The following USP34 variants were observed in gnomAD, a reference collection of about 807,000 sequenced individuals.
The protein encoded by USP34 is ubiquitin carboxyl-terminal hydrolase 34.
In USP34, 70 loss-of-function variants were observed where a neutral mutation model predicts 460.3. That is an observed-to-expected ratio of 0.15 (90% CI 0.13 to 0.19). The LOEUF is 0.19. USP34 is among the 10% of genes least tolerant of loss of function. USP34 has a pLI of 1.00. For missense variants in USP34, 3,985 were observed against 4,236.2 expected (o/e 0.94, Z 1.65); for synonymous variants, 1,647 against 1,405.3 (o/e 1.17, Z -3.85).
intron 7 of USP34, 71 bp from the exon 8 acceptor site, chr2:61,378,495 A>C: frequency 1.1e-6 from 1 of 926,632 alleles, no homozygotes; most frequent in Non-Finnish European, 1.7e-6. Context: ...GCAAATACTA[A>C]CATGGTAAAC....
rs373873603 is a variant in USP34 at position 61,198,224 on chromosome 2, A to G, written c.9508+4916T>C. ...AAAATTCCTCTACTTTTTTCTGTAC[A>G]TGTACTAAGAGCGATTTTCCCCTTG... is the stretch of plus-strand genomic sequence containing the variant. On this transcript the variant is annotated intron_variant, in intron 75 of 79. Transcript: ENST00000398571. 1.7e-3 allele frequency among the ~76,000 whole-genome samples: 252 copies of G among 152,314 alleles called. 1 individual carries two copies. In the Middle Eastern group the frequency reaches 0.02, roughly 12 times the overall value.
At chr2:61,429,223 G>A (rs1418072530) in intron 1 of USP34, among the ~76,000 whole-genome samples, 2 of 151,706 alleles carry the variant, frequency 1.3e-5, no homozygotes, top group African/African-American at 4.8e-5. Context: ...CGAGGCAGGC[G>A]GATCACGAGG....
At chr2:61,250,081 C>G (rs1688534501) in intron 48 of USP34, 1 of 155,970 alleles carries the variant, frequency 6.4e-6, no homozygotes. Context: ...AACCATGTCT[C>G]CACTAAAAAT....
intron 43 of USP34, among the ~76,000 whole-genome samples, chr2:61,263,255 A>G (rs1007111050): frequency 7.1e-6 from 1 of 140,090 alleles, no homozygotes; most frequent in Non-Finnish European, 1.5e-5. Flanking sequence ...ATCTCAGCTC[A>G]CTGCAACCTC....
At chr2:61,348,571 C>T (rs1691842869) in intron 14 of USP34, 91 bp from the exon 15 acceptor site, 2 of 1,490,052 alleles carry the variant, frequency 1.3e-6, no homozygotes, top group South Asian at 1.4e-5. Flanking sequence ...TTTAAAAAGG[C>T]TGCCAGTCTT....
chr2:61,323,902 G>A (rs1477182323), intron 21 of USP34, among the ~76,000 whole-genome samples: 2 of 152,042 alleles, frequency 1.3e-5, no homozygotes, highest in South Asian at 4.1e-4. Flanking sequence ...AAATCAGGTC[G>A]CTTATTTTTG....
intron 10 of USP34, among the ~76,000 whole-genome samples, chr2:61,363,436 C>T (rs1692331892): frequency 6.6e-6 from 1 of 152,110 alleles, no homozygotes; most frequent in South Asian, 2.1e-4. Flanking sequence ...CATACTTATA[C>T]AAAAGATGGT....
chr2:61,302,353 G>A (rs970170600), intron 27 of USP34, among the ~76,000 whole-genome samples: 1 of 152,122 alleles, frequency 6.6e-6, no homozygotes, highest in Non-Finnish European at 1.5e-5. Flanking sequence ...AATAAAAAAG[G>A]TTTGTGGAAA....
intron 20 of USP34, among the ~76,000 whole-genome samples, chr2:61,328,210 G>A (rs774531235): frequency 6.6e-6 from 1 of 150,928 alleles, no homozygotes; most frequent in African/African-American, 2.4e-5. Flanking sequence ...GCTGAGGCAC[G>A]AGAATCACTT....
chr2:61,232,867 C>CCT (rs1553354474), intron 57 of USP34, among the ~76,000 whole-genome samples: 2 of 118,810 alleles, frequency 1.7e-5, no homozygotes, highest in Admixed American at 1.8e-4. Context: ...TATTCCCCCC[C>CCT]CCCTTTTTTT....
intron 26 of USP34, 22 bp downstream of exon 26, chr2:61,311,762 G>C: frequency 6.2e-7 from 1 of 1,610,516 alleles, no homozygotes; most frequent in Non-Finnish European, 8.5e-7. Context: ...TATCAACTTC[G>C]AAATTAAAAC....
intron 37 of USP34, among the ~76,000 whole-genome samples, chr2:61,281,854 T>G (rs1366917437): frequency 6.6e-6 from 1 of 152,180 alleles, no homozygotes; most frequent in Non-Finnish European, 1.5e-5. Flanking sequence ...TAAAATATTT[T>G]CAGAACTAGA....
intron 34 of USP34, among the ~76,000 whole-genome samples, chr2:61,285,486 CAAAAA>C (rs35055379): frequency 1.8e-5 from 2 of 108,492 alleles, no homozygotes; most frequent in Admixed American, 9.4e-5. Context: ...GAATCTGTCT[CAAAAA>C]AAAAAAAAAA....
chr2:61,465,008 G>A (rs774877440), intron 1 of USP34, among the ~76,000 whole-genome samples: 17 of 152,050 alleles, frequency 1.1e-4, no homozygotes, highest in Non-Finnish European at 2.2e-4. Flanking sequence ...CCCACAAAAT[G>A]ATAACAGCAA....
chr2:61,401,905 T>A (rs1366775013), intron 3 of USP34, among the ~76,000 whole-genome samples: 1 of 150,810 alleles, frequency 6.6e-6, no homozygotes, highest in Non-Finnish European at 1.5e-5. Flanking sequence ...CTTACAACAC[T>A]AGAGCAATTA....
chr2:61,299,497 G>A (rs1690152007), intron 29 of USP34, among the ~76,000 whole-genome samples: 1 of 152,044 alleles, frequency 6.6e-6, no homozygotes, highest in South Asian at 2.1e-4. Context: ...TTATGCCTAC[G>A]ATCCCAGCAC....
chr2:61,411,081 C>G (rs1299231169), intron 2 of USP34, among the ~76,000 whole-genome samples: 1 of 151,994 alleles, frequency 6.6e-6, no homozygotes, highest in Non-Finnish European at 1.5e-5. Context: ...ACACCAGATA[C>G]CAAAGAAGGC....
rs780843618 is a variant in USP34 at position 61,192,984 on chromosome 2, A to G, written c.9509-4T>C. On this transcript the variant is annotated splice_polypyrimidine_tract_variant and splice_region_variant and intron_variant, in intron 75 of 79. Transcript: ENST00000398571. ...CCTTCATAGGCAACTAGGACACCTA[A>G]TATTTGAAAAGAAATCAGAATAGGT... The G allele has an allele frequency of 7.4e-6, 12 of 1,611,656 alleles. No individual in the cohort carries two copies. Among genetic ancestry groups the G allele is most frequent in the South Asian group, 1.1e-5 (1 of 90,864 alleles).
intron 41 of USP34, among the ~76,000 whole-genome samples, chr2:61,271,618 G>A (rs966266750): frequency 5.9e-5 from 9 of 152,026 alleles, no homozygotes; most frequent in African/African-American, 2.2e-4. Flanking sequence ...AAAAAGGAAG[G>A]GAGGAGGAGA....
Sources: gnomAD v4.1 joint callset for allele counts (sites outside exome capture counted in the v4.1 genomes callset) on GRCh38, gnomAD v4.1.1 for gene constraint, MANE v1.5 for transcripts, NCBI Gene and HGNC (gene_info 2026-07-23, HGNC 2026-07-21) for gene names.